The following TTC39B variants were observed in gnomAD, a reference collection of about 807,000 sequenced individuals.
The protein encoded by TTC39B is tetratricopeptide repeat protein 39B.
A neutral mutation model predicts 96.6 loss-of-function variants in TTC39B; 92 were observed. The observed-to-expected ratio is 0.95, with a 90% CI of 0.80 to 1.13. The LOEUF (loss-of-function observed/expected upper bound fraction) is 1.13. Ranked by LOEUF, TTC39B falls within the 50% of genes most tolerant of loss-of-function variation. The pLI is 0.00. For synonymous variants in TTC39B, 367 were observed against 299.4 expected (o/e 1.23, Z -2.33); for missense variants, 955 against 809.3 (o/e 1.18, Z -2.18).
At chr9:15,255,614 A>T (rs1195837724) in intron 2 of TTC39B, among the ~76,000 whole-genome samples, 1 of 152,164 alleles carries the variant, frequency 6.6e-6, no homozygotes, top group African/African-American at 2.4e-5. Flanking sequence ...GTCAGGTGAA[A>T]CAGGGTAAAA....
chr9:15,168,528 C>T (rs557384384), exon 20 of TTC39B: 7 of 152,102 alleles, frequency 4.6e-5, no homozygotes, highest in African/African-American at 1.4e-4. Context: ...AATGTCCAAG[C>T]TGGAGGAAAA....
rs578053270 is a variant in TTC39B at position 15,223,158 on chromosome 9, T to C, written c.371+2759A>G. ...AGAATTTGAGAGTGACAAGGCATTT[T>C]AGCTGATCATGTACTTCTCTGGATA... On this transcript the variant is annotated intron_variant, in intron 3 of 19. Transcript: ENST00000512701. 1.3e-4 allele frequency among the ~76,000 whole-genome samples: 20 copies of C among 152,374 alleles called. No individual in the cohort carries two copies. The South Asian group carries it at 2.9e-3, about 22-fold the overall frequency.
chr9:15,273,785 C>G lies in TTC39B; in HGVS notation c.241-5837G>C, dbSNP rs548064582. 7.9e-5 allele frequency among the ~76,000 whole-genome samples: 12 copies of G among 152,294 alleles called. No individual in the cohort carries two copies. The South Asian group carries it at 1.7e-3, about 21-fold the overall frequency. On this transcript the variant is annotated intron_variant, in intron 1 of 19. Coordinates refer to ENST00000512701, the Ensembl canonical transcript of TTC39B. ...ATCATGGACTCAAAGAACGCTACAA[C>G]TGTTGAGAACTCTGGCAAGTCATGA...
At chr9:15,258,269 G>A (rs1563769267) in intron 2 of TTC39B, among the ~76,000 whole-genome samples, 2 of 152,130 alleles carry the variant, frequency 1.3e-5, no homozygotes, top group South Asian at 2.1e-4. Context: ...ATATATATTG[G>A]AGGTAGAAAT....
intron 4 of TTC39B, among the ~76,000 whole-genome samples, chr9:15,213,162 G>A (rs1304007126): frequency 1.3e-5 from 2 of 151,990 alleles, no homozygotes; most frequent in African/African-American, 4.8e-5. Flanking sequence ...GAAAAGAGAA[G>A]GAGAGACTGA....
At chr9:15,305,954 G>A (rs530255087) in intron 1 of TTC39B, among the ~76,000 whole-genome samples, 4 of 152,082 alleles carry the variant, frequency 2.6e-5, no homozygotes, top group African/African-American at 9.6e-5. Context: ...TGGACAGCCC[G>A]GCTTGCCCTC....
At chr9:15,168,555 G>A (rs1298215600) in exon 20 of TTC39B, 1 of 152,024 alleles carries the variant, frequency 6.6e-6, no homozygotes, top group Non-Finnish European at 1.5e-5. Flanking sequence ...TATTTATGAA[G>A]ATCAACAGAC....
At chr9:15,180,136 A>G (rs1818171130) in intron 17 of TTC39B, among the ~76,000 whole-genome samples, 1 of 152,216 alleles carries the variant, frequency 6.6e-6, no homozygotes, top group Non-Finnish European at 1.5e-5. Flanking sequence ...CTGAACTTTT[A>G]TGGTGGATAG....
chr9:15,224,226 T>C (rs1430443875), intron 3 of TTC39B: 2 of 152,470 alleles, frequency 1.3e-5, no homozygotes, highest in Non-Finnish European at 2.9e-5. Flanking sequence ...TAAAACCTTA[T>C]GAGCTAAAGG....
intron 9 of TTC39B, among the ~76,000 whole-genome samples, chr9:15,191,887 C>T (rs1185593069): frequency 6.6e-6 from 1 of 152,146 alleles, no homozygotes. Flanking sequence ...GGAAGAAGTA[C>T]GTGGTCAGAT....
chr9:15,297,663 T>G (rs1824429315), intron 1 of TTC39B, among the ~76,000 whole-genome samples: 1 of 152,176 alleles, frequency 6.6e-6, no homozygotes. Context: ...GGGTCGTCAG[T>G]GAGTCCCAAT....
chr9:15,204,559 C>T (rs1286377671), intron 6 of TTC39B, among the ~76,000 whole-genome samples: 1 of 151,506 alleles, frequency 6.6e-6, no homozygotes, highest in African/African-American at 2.4e-5. Flanking sequence ...AACTTTCACA[C>T]AGTTTTAAAA....
At chr9:15,208,806 C>T (rs1820022859) in intron 6 of TTC39B, among the ~76,000 whole-genome samples, 3 of 152,162 alleles carry the variant, frequency 2.0e-5, no homozygotes, top group Admixed American at 2.0e-4. Flanking sequence ...AATTCCTCTC[C>T]TATAATCAAT....
chr9:15,251,012 A>C (rs1325702131), intron 2 of TTC39B, among the ~76,000 whole-genome samples: 1 of 152,042 alleles, frequency 6.6e-6, no homozygotes, highest in Non-Finnish European at 1.5e-5. Context: ...CCTGGCCAAT[A>C]TGCTGAAACC....
At chr9:15,295,653 G>C (rs572347802) in intron 1 of TTC39B, among the ~76,000 whole-genome samples, 2 of 152,210 alleles carry the variant, frequency 1.3e-5, no homozygotes, top group African/African-American at 2.4e-5. Flanking sequence ...TAAAGAGAAA[G>C]TAAATTTGCA....
At chr9:15,259,053 C>T (rs1822855315) in intron 2 of TTC39B, among the ~76,000 whole-genome samples, 1 of 152,082 alleles carries the variant, frequency 6.6e-6, no homozygotes, top group African/African-American at 2.4e-5. Flanking sequence ...GAGAAGCAAG[C>T]CCAGTGGTAA....
chr9:15,299,477 G>A (rs1469709198), intron 1 of TTC39B, among the ~76,000 whole-genome samples: 3 of 152,164 alleles, frequency 2.0e-5, no homozygotes, highest in Non-Finnish European at 2.9e-5. Context: ...CGGTGGCTCT[G>A]GGTATAAACG....
At chr9:15,220,952 GA>G (rs1489548378) in intron 3 of TTC39B, among the ~76,000 whole-genome samples, 3 of 152,170 alleles carry the variant, frequency 2.0e-5, no homozygotes, top group Non-Finnish European at 2.9e-5. Flanking sequence ...ACTTGGACAA[GA>G]GACATTTTGG....
exon 20 of TTC39B, chr9:15,170,168 A>T (rs1296816305): frequency 9.6e-5 from 1 of 10,432 alleles, no homozygotes; most frequent in Non-Finnish European, 1.6e-4. Context: ...CTAATAACAC[A>T]TTGATATCTA....
Sources: gnomAD v4.1 joint callset for allele counts (sites outside exome capture counted in the v4.1 genomes callset) on GRCh38, gnomAD v4.1.1 for gene constraint, MANE v1.5 for transcripts, NCBI Gene and HGNC (gene_info 2026-07-23, HGNC 2026-07-21) for gene names.